TRA2A: variants seen among roughly 807,000 people sequenced by gnomAD.
The protein encoded by TRA2A is transformer-2 protein homolog alpha.
Under a neutral mutation model 45.7 loss-of-function variants are expected in TRA2A, and 31 were observed. That is an observed-to-expected ratio of 0.68 (90% confidence interval 0.51 to 0.92). TRA2A has a LOEUF of 0.92. Among genes scored for constraint, TRA2A ranks in the 40% least tolerant of loss-of-function variants. The probability of loss-of-function intolerance (pLI) is 0.00; values close to 1 mark genes in which losing one functional copy is unlikely to be tolerated. For missense variants in TRA2A, 304 were observed against 367.5 expected (o/e 0.83, Z 1.41); for synonymous variants, 132 against 126.2 (o/e 1.05, Z -0.31).
chr7:23,513,217 A>G (rs1789706856), intron 3 of TRA2A, 135 bp from the exon 4 acceptor site: 1 of 670,008 alleles, frequency 1.5e-6, no homozygotes, highest in South Asian at 2.4e-5. Context: ...TAAGATTTTA[A>G]GAGAACTAGA....
At chr7:23,509,158 C>T (rs1185550207) in intron 4 of TRA2A, among the ~76,000 whole-genome samples, 2 of 152,116 alleles carry the variant, frequency 1.3e-5, no homozygotes, top group Non-Finnish European at 2.9e-5. Context: ...AAGAACTTTA[C>T]ATCACATAAA....
chr7:23,531,659 G>T, intron 1 of TRA2A, 130 bp downstream of exon 1: 2 of 925,514 alleles, frequency 2.2e-6, no homozygotes, highest in Non-Finnish European at 3.3e-6. Context: ...GGGATGGGAG[G>T]AATCAATCGC....
chr7:23,519,148 C>G (rs1404819779), intron 2 of TRA2A, among the ~76,000 whole-genome samples: 1 of 152,132 alleles, frequency 6.6e-6, no homozygotes, highest in East Asian at 1.9e-4. Context: ...AATCCCAGCC[C>G]TTTGGGAGGC....
chr7:23,513,477 G>C (rs1274826665), intron 3 of TRA2A, among the ~76,000 whole-genome samples: 1 of 152,110 alleles, frequency 6.6e-6, no homozygotes, highest in African/African-American at 2.4e-5. Context: ...AATTAGCTGG[G>C]CATGGTGGCC....
chr7:23,531,793 C>T lies in TRA2A; in HGVS notation c.32G>A (p.Gly11Asp). The T allele has an allele frequency of 6.2e-7, 1 of 1,613,634 alleles. No individual in the cohort carries two copies. The highest frequency in any genetic ancestry group is 8.5e-7 in the Non-Finnish European group (1 of 1,180,030). Residue 11 changes from glycine to aspartate, a missense_variant, in exon 1 of 8, where the codon GGC (glycine) becomes GAC (aspartate). Coordinates refer to ENST00000297071, the MANE Select transcript of TRA2A (RefSeq NM_013293.5). MSDVEENNFEGRESRSQSKSP... is the reference protein window; with the variant it reads MSDVEENNFEDRESRSQSKSP... ...CTCCCGCGGCTTTGTACTCACTCTG[C>T]CCTCGAAGTTGTTTTCCTCCACATC...
At chr7:23,519,997 G>A (rs1790059987) in intron 2 of TRA2A, among the ~76,000 whole-genome samples, 1 of 152,240 alleles carries the variant, frequency 6.6e-6, no homozygotes, top group Admixed American at 6.5e-5. Context: ...GGAGGCCGAG[G>A]TGGGCGGATC....
rs1789265378 is a variant in TRA2A, at chr7:23,505,357, A to C, written c.*202T>G. On this transcript the variant is annotated 3_prime_UTR_variant, in exon 8 of 8. Transcript: ENST00000297071. ...ATACTCAAGATGTTTAACTGTTCAA[A>C]ATGACAACAATTACATCTTTTAAGA... The C allele has an allele frequency of 7.0e-6, 3 of 430,956 alleles. No individual in the cohort carries two copies. The East Asian group carries it at 1.0e-4, about 15-fold the overall frequency. 26.7% of individuals were successfully genotyped at this position (430,956 alleles called of 1,614,324 possible).
intron 2 of TRA2A, among the ~76,000 whole-genome samples, chr7:23,517,810 G>A (rs982821111): frequency 1.3e-5 from 2 of 151,862 alleles, no homozygotes; most frequent in African/African-American, 4.8e-5. Context: ...TACTTGGGAG[G>A]CTGAGGCACG....
intron 1 of TRA2A, chr7:23,531,150 C>A (rs1421234205): frequency 1.1e-6 from 1 of 916,020 alleles, no homozygotes; most frequent in Admixed American, 6.2e-5. Flanking sequence ...GTCTTAAGAA[C>A]GCTTAAGGGT....
intron 1 of TRA2A, among the ~76,000 whole-genome samples, chr7:23,526,438 T>C (rs1416205023): frequency 6.6e-6 from 1 of 152,170 alleles, no homozygotes; most frequent in Admixed American, 6.6e-5. Context: ...TTTCCATAGA[T>C]ACACACTAGT....
Position 23,531,964 on chromosome 7 carries a change from C to T in TRA2A, c.-140G>A, listed in dbSNP as rs943529299. On this transcript the variant is annotated 5_prime_UTR_variant, in exon 1 of 8. Coordinates refer to ENST00000297071, the MANE Select transcript of TRA2A (RefSeq NM_013293.5). ...CCGCTCCACTCCACTCCCACTCGGTCGCAGGCTCCAGCAAAATGGCGCCGG... is the reference window on the plus strand; with the variant it reads ...CCGCTCCACTCCACTCCCACTCGGTTGCAGGCTCCAGCAAAATGGCGCCGG... The T allele has an allele frequency of 3.3e-6, 3 of 896,910 alleles. No homozygotes were observed. Among genetic ancestry groups the T allele is most frequent in the Non-Finnish European group, 5.1e-6 (3 of 585,556 alleles). 55.6% of individuals were successfully genotyped at this position (896,910 alleles called of 1,614,324 possible).
chr7:23,515,850 T>C (rs1189677504), intron 3 of TRA2A, among the ~76,000 whole-genome samples: 7 of 150,760 alleles, frequency 4.6e-5, no homozygotes, highest in Non-Finnish European at 3.0e-5. Flanking sequence ...CCAGCCTTCA[T>C]GTCCTTTTTA....
chr7:23,514,946 T>C (rs1789790444), intron 3 of TRA2A, among the ~76,000 whole-genome samples: 1 of 152,186 alleles, frequency 6.6e-6, no homozygotes, highest in African/African-American at 2.4e-5. Context: ...GGCTGCCTGG[T>C]TGAAACCTAG....
In TRA2A at chr7:23,512,894, C is replaced by T. The variant is rs1789691980; in HGVS notation, c.525G>A (p.Glu175=). ...VYFERIDDSK[E]AMERANGMEL... is the part of the protein sequence containing the mutation. Reference sequence around the variant, plus strand: ...TCAGGCATATAAAAGACAAATTTACCTCCTTTGAGTCATCTATTCTCTCAA... The same window carrying T: ...TCAGGCATATAAAAGACAAATTTACTTCCTTTGAGTCATCTATTCTCTCAA... Residue 175 remains glutamate, a splice_region_variant and synonymous_variant, in exon 4 of 8, where the codon GAG becomes GAA. Transcript: ENST00000297071. The T allele has an allele frequency of 6.2e-7, 1 of 1,601,926 alleles. No homozygotes were observed. The highest frequency in any genetic ancestry group is 8.5e-7 in the Non-Finnish European group (1 of 1,173,220).
chr7:23,527,532 G>C (rs927052813), intron 1 of TRA2A, among the ~76,000 whole-genome samples: 3 of 152,150 alleles, frequency 2.0e-5, no homozygotes, highest in Non-Finnish European at 2.9e-5. Flanking sequence ...ATCAAAGAAA[G>C]TTTTCTGCCA....
chr7:23,522,834 T>A (rs60694794), intron 1 of TRA2A, among the ~76,000 whole-genome samples: 2,491 of 152,172 alleles, frequency 0.016, 79 homozygotes, highest in African/African-American at 0.057. Flanking sequence ...TGCTAAGAAA[T>A]CAAGATATAG....
At chr7:23,521,680 T>A (rs771574934) in intron 2 of TRA2A, 27 bp downstream of exon 2, 3 of 1,610,288 alleles carry the variant, frequency 1.9e-6, no homozygotes, top group Non-Finnish European at 2.5e-6. Flanking sequence ...AGAAGAATAT[T>A]TTAAGTATTA....
At chr7:23,507,213 G>A in intron 5 of TRA2A, 2 of 522,670 alleles carry the variant, frequency 3.8e-6, no homozygotes, top group Non-Finnish European at 6.8e-6. Context: ...TGATTCCTGT[G>A]CCTCAGCTCC....
intron 1 of TRA2A, among the ~76,000 whole-genome samples, chr7:23,526,506 A>G (rs1016871748): frequency 2.6e-5 from 4 of 152,226 alleles, no homozygotes; most frequent in Non-Finnish European, 5.9e-5. Flanking sequence ...AATTATTCAA[A>G]TACCTTACAA....
Sources: allele counts gnomAD v4.1 joint callset (sites outside exome capture counted in the v4.1 genomes callset), GRCh38; gene constraint gnomAD v4.1.1; transcripts MANE v1.5; gene names NCBI Gene and HGNC (gene_info 2026-07-23, HGNC 2026-07-21).